RFWD3: variants seen among roughly 807,000 people sequenced by gnomAD.
RFWD3 encodes the protein ring finger and WD repeat domain 3.
A neutral mutation model predicts 87.7 loss-of-function variants in RFWD3; 65 were observed. The ratio of observed to expected loss-of-function variants is 0.74; its 90% CI spans 0.61 to 0.91. RFWD3 has a LOEUF of 0.91. Ranked by LOEUF, RFWD3 falls within the 40% of genes least tolerant of loss-of-function variation. RFWD3 has a pLI of 0.00. For synonymous variants in RFWD3, 433 were observed against 352.8 expected (o/e 1.23, Z -2.55); for missense variants, 1,078 against 938.5 (o/e 1.15, Z -1.94).
Position 74,661,580 on chromosome 16 carries a change from G to C in RFWD3, c.-2-129C>G, listed in dbSNP as rs1382766602. On this transcript the variant is annotated intron_variant, in intron 1 of 12. Coordinates refer to ENST00000361070, the MANE Select transcript of RFWD3 (RefSeq NM_018124.4). The stretch of plus-strand genomic sequence containing the variant: ...TCTTAGCAAGACTGAGAAGCTTCAA[G>C]AGAAGATTTTAACTACTTAAGTCAG... The C allele has an allele frequency of 4.5e-6, 4 of 898,286 alleles. No individual in the cohort carries two copies. In the South Asian group the frequency reaches 7.0e-5, roughly 16 times the overall value. The allele number at this position is 898,286 out of a possible 1,614,324, so 55.6% of individuals were successfully genotyped here.
At chr16:74,636,842 C>G (rs1959208429) in intron 7 of RFWD3, among the ~76,000 whole-genome samples, 1 of 151,560 alleles carries the variant, frequency 6.6e-6, no homozygotes, top group Non-Finnish European at 1.5e-5. Context: ...TCCTGAGTAG[C>G]TGGGATTACA....
chr16:74,629,908 T>C (rs1274079055), intron 10 of RFWD3, among the ~76,000 whole-genome samples: 2 of 152,322 alleles, frequency 1.3e-5, no homozygotes, highest in South Asian at 4.1e-4. Flanking sequence ...AGAGTGGTGC[T>C]GGTGGCCATC....
chr16:74,652,138 G>A lies in RFWD3; in HGVS notation c.519-16C>T, dbSNP rs1473229038. 1 of 1,608,782 alleles carries A rather than the reference G, an allele frequency of 6.2e-7. No individual in the cohort carries two copies. The highest frequency in any genetic ancestry group is 8.5e-7 in the Non-Finnish European group (1 of 1,175,556). Reference sequence around the variant, plus strand: ...TGCTCTCAACCTATGTACACAGAAAGACAACGGAATTATAGTACAATGAAC... The same window carrying A: ...TGCTCTCAACCTATGTACACAGAAAAACAACGGAATTATAGTACAATGAAC... On this transcript the variant is annotated splice_polypyrimidine_tract_variant and intron_variant, in intron 2 of 12. Coordinates refer to ENST00000361070, the MANE Select transcript of RFWD3 (RefSeq NM_018124.4).
At chr16:74,646,528 C>T (rs1290155643) in intron 4 of RFWD3, among the ~76,000 whole-genome samples, 4 of 152,156 alleles carry the variant, frequency 2.6e-5, no homozygotes, top group East Asian at 3.9e-4. Flanking sequence ...TGGCTCACAC[C>T]TGTAATCCTA....
Position 74,630,979 on chromosome 16 carries a change from T to C in RFWD3, c.1578-22A>G, listed in dbSNP as rs1567568149. 7 of 1,586,498 alleles carry C rather than the reference T, an allele frequency of 4.4e-6. No homozygotes were observed. In the Admixed American group the frequency reaches 1.3e-4, roughly 30 times the overall value. ...CAGGCTGTGGAGTTACAAAAGACTT[T>C]TACAACTGCATTAAGAAAATCAAAT... is the stretch of plus-strand genomic sequence containing the variant. On this transcript the variant is annotated intron_variant, in intron 9 of 12. Coordinates refer to ENST00000361070, the MANE Select transcript of RFWD3 (RefSeq NM_018124.4).
chr16:74,649,365 AATTT>A (rs111759686), intron 3 of RFWD3, 163 bp from the exon 4 acceptor site: 5 of 482,906 alleles, frequency 1.0e-5, no homozygotes, highest in African/African-American at 6.3e-5. Flanking sequence ...ACCATCAGTG[AATTT>A]ATTTTTAAAA....
intron 2 of RFWD3, among the ~76,000 whole-genome samples, chr16:74,655,001 T>C (rs1054723638): frequency 6.6e-6 from 1 of 152,322 alleles, no homozygotes; most frequent in African/African-American, 2.4e-5. Context: ...ATAAAGTGCA[T>C]GAAGCAGCAG....
At chr16:74,642,016 CATAT>C (rs1421707305) in intron 6 of RFWD3, among the ~76,000 whole-genome samples, 1 of 146,838 alleles carries the variant, frequency 6.8e-6, no homozygotes, top group Non-Finnish European at 1.5e-5. Flanking sequence ...TTTACAAATA[CATAT>C]ATAGCTAATC....
chr16:74,642,413 T>C (rs932795964), intron 6 of RFWD3, among the ~76,000 whole-genome samples: 1 of 152,170 alleles, frequency 6.6e-6, no homozygotes, highest in Non-Finnish European at 1.5e-5. Context: ...TGTGAGCCAC[T>C]GTGCCTGGCC....
intron 7 of RFWD3, among the ~76,000 whole-genome samples, chr16:74,637,528 G>C (rs1331978260): frequency 6.6e-6 from 1 of 152,152 alleles, no homozygotes; most frequent in African/African-American, 2.4e-5. Context: ...TCGAGATGCT[G>C]AGGCTGAGGC....
In RFWD3 at chr16:74,628,432, G is replaced by A; in HGVS notation, c.1969+20C>T. ...CACTGTGCTCCCAAATAAGCTATGG[G>A]AGACCCCAGCACTACTTACCAGGCC... On this transcript the variant is annotated intron_variant, in intron 11 of 12. Coordinates refer to ENST00000361070, the MANE Select transcript of RFWD3 (RefSeq NM_018124.4). 1 of 1,610,652 alleles carries A rather than the reference G, an allele frequency of 6.2e-7. No homozygotes were observed. Among genetic ancestry groups the A allele is most frequent in the Non-Finnish European group, 8.5e-7 (1 of 1,177,342 alleles).
intron 3 of RFWD3, among the ~76,000 whole-genome samples, chr16:74,651,460 A>C (rs1294073787): frequency 6.6e-6 from 1 of 152,054 alleles, no homozygotes; most frequent in Non-Finnish European, 1.5e-5. Context: ...TCTACAAAAA[A>C]TTTAAAAAAT....
At chr16:74,633,335 T>A (rs1403568687) in intron 8 of RFWD3, among the ~76,000 whole-genome samples, 14 of 121,782 alleles carry the variant, frequency 1.1e-4, no homozygotes, top group Admixed American at 2.4e-4. Context: ...TTCATGACAA[T>A]GAAGAGAAGA....
At chr16:74,644,192 CA>C (rs1296007563) in intron 6 of RFWD3, 169 bp downstream of exon 6, 2 of 680,722 alleles carry the variant, frequency 2.9e-6, no homozygotes, top group Non-Finnish European at 5.2e-6. Flanking sequence ...AGAAGATGAT[CA>C]GACATGAATT....
intron 8 of RFWD3, among the ~76,000 whole-genome samples, chr16:74,633,029 C>A (rs1959150441): frequency 6.6e-6 from 1 of 151,966 alleles, no homozygotes; most frequent in Non-Finnish European, 1.5e-5. Context: ...GTAATCCCAG[C>A]ACTTTGGGAG....
chr16:74,662,125 C>T (rs969368793), intron 1 of RFWD3, among the ~76,000 whole-genome samples: 1 of 151,554 alleles, frequency 6.6e-6, no homozygotes, highest in South Asian at 2.1e-4. Flanking sequence ...AAACTACCAC[C>T]TAGTTTTTAA....
At chr16:74,629,328 C>G (rs1597410156) in intron 10 of RFWD3, among the ~76,000 whole-genome samples, 1 of 152,172 alleles carries the variant, frequency 6.6e-6, no homozygotes, top group African/African-American at 2.4e-5. Context: ...TAAAAATGAA[C>G]ATTACATACA....
intron 2 of RFWD3, among the ~76,000 whole-genome samples, chr16:74,652,531 A>G (rs1960647522): frequency 6.6e-6 from 1 of 152,202 alleles, no homozygotes; most frequent in African/African-American, 2.4e-5. Context: ...AGTCACCCAG[A>G]CCAAGGTATT....
intron 2 of RFWD3, among the ~76,000 whole-genome samples, chr16:74,657,768 C>T (rs1160712726): frequency 6.6e-6 from 1 of 152,174 alleles, no homozygotes; most frequent in African/African-American, 2.4e-5. Flanking sequence ...GCCACTGCGC[C>T]TAGCCAGGTT....
Sources: allele counts gnomAD v4.1 joint callset (sites outside exome capture counted in the v4.1 genomes callset), GRCh38; gene constraint gnomAD v4.1.1; transcripts MANE v1.5; gene names NCBI Gene and HGNC (gene_info 2026-07-23, HGNC 2026-07-21).